CEP85L: variants seen among roughly 807,000 people sequenced by gnomAD.
CEP85L encodes centrosomal protein of 85 kDa-like.
A neutral mutation model predicts 100.3 loss-of-function variants in CEP85L; 60 were observed. The observed-to-expected ratio is 0.60, with a 90% CI of 0.49 to 0.74. The LOEUF (loss-of-function observed/expected upper bound fraction) is 0.74, where lower values mean the gene tolerates loss of function less well. Ranked by LOEUF, CEP85L falls within the 30% of genes least tolerant of loss-of-function variation. The probability of loss-of-function intolerance (pLI) is 0.00; values close to 1 mark genes in which losing one functional copy is unlikely to be tolerated. For synonymous variants in CEP85L, 319 were observed against 322.7 expected, an observed-to-expected ratio of 0.99 and a Z score of 0.12; for missense variants, 973 against 936.2, an observed-to-expected ratio of 1.04 and a Z score of -0.51.
At chr6:118,545,002 A>T (rs1446253952) in intron 3 of CEP85L, among the ~76,000 whole-genome samples, 1 of 148,446 alleles carries the variant, frequency 6.7e-6, no homozygotes, top group East Asian at 1.9e-4. Context: ...CCCTCAAGAG[A>T]TAGGTAAAAT....
chr6:118,503,797 G>A (rs1182549696), intron 5 of CEP85L, among the ~76,000 whole-genome samples: 1 of 117,018 alleles, frequency 8.5e-6, no homozygotes, highest in African/African-American at 3.3e-5. Context: ...ATTCAAAATG[G>A]ATCACAGACC....
In CEP85L at chr6:118,463,458, C is replaced by T. The variant is rs1263502585; in HGVS notation, c.*1947G>A. ...GTAAAAATATTTGCTGCACTTGTGG[C>T]TGATCTATTTTAGACGTTATTATCT... On this transcript the variant is annotated 3_prime_UTR_variant, in exon 13 of 13. Coordinates refer to ENST00000368491, the MANE Select transcript of CEP85L (RefSeq NM_001042475.3). The T allele has an allele frequency of 6.6e-6, 1 of 151,972 alleles. No individual in the cohort carries two copies. Among genetic ancestry groups the T allele is most frequent in the Non-Finnish European group, 1.5e-5 (1 of 67,920 alleles). 9.4% of individuals were successfully genotyped at this position (151,972 alleles called of 1,614,324 possible). A position where few individuals can be genotyped will look rare whatever the true frequency, so the allele number is the denominator to read the frequency against.
chr6:118,681,945 T>C (rs757710870), intron 1 of CEP85L, among the ~76,000 whole-genome samples: 1 of 152,010 alleles, frequency 6.6e-6, no homozygotes, highest in Non-Finnish European at 1.5e-5. Context: ...TTCGCCATGT[T>C]GCCAGGCTGG....
Position 118,485,551 on chromosome 6 carries a change from G to C in CEP85L, c.1438-1693C>G, listed in dbSNP as rs563904141. Among the ~76,000 whole-genome samples, 28 of 152,288 alleles carry C rather than the reference G, an allele frequency of 1.8e-4. No homozygotes were observed. The East Asian group carries it at 5.0e-3, about 27-fold the overall frequency. ...GGATTAAAGGTAAATGTGCTGGTGTGACAGTTTACCCTGTGATCTATCAGA... is the reference window on the plus strand; with the variant it reads ...GGATTAAAGGTAAATGTGCTGGTGTCACAGTTTACCCTGTGATCTATCAGA... On this transcript the variant is annotated intron_variant, in intron 6 of 12. Coordinates refer to ENST00000368491, the MANE Select transcript of CEP85L (RefSeq NM_001042475.3).
At chr6:118,544,599 T>C (rs1196964455) in intron 3 of CEP85L, among the ~76,000 whole-genome samples, 1 of 152,210 alleles carries the variant, frequency 6.6e-6, no homozygotes, top group African/African-American at 2.4e-5. Context: ...GTCCTTTTCT[T>C]AATCCATCTG....
At chr6:118,657,604 A>G (rs534160827) in intron 1 of CEP85L, among the ~76,000 whole-genome samples, 2 of 152,194 alleles carry the variant, frequency 1.3e-5, no homozygotes, top group Non-Finnish European at 2.9e-5. Flanking sequence ...CGACAGAGTG[A>G]GACTGTCTCC....
chr6:118,587,308 T>C (rs1403508185), intron 2 of CEP85L, among the ~76,000 whole-genome samples: 3 of 152,138 alleles, frequency 2.0e-5, no homozygotes, highest in Non-Finnish European at 4.4e-5. Flanking sequence ...AAGAACTTTC[T>C]CCCAAAGATA....
intron 2 of CEP85L, among the ~76,000 whole-genome samples, chr6:118,598,625 C>T (rs1439372432): frequency 6.6e-6 from 1 of 152,204 alleles, no homozygotes; most frequent in East Asian, 1.9e-4. Flanking sequence ...AGTAAGCACC[C>T]GAAGCTAGAA....
rs1772268565 is a variant in CEP85L at position 118,462,214 on chromosome 6, T to C, written c.*3191A>G. 1 of 152,052 alleles carries C rather than the reference T, an allele frequency of 6.6e-6. No individual in the cohort carries two copies. Among genetic ancestry groups the C allele is most frequent in the African/African-American group, 2.4e-5 (1 of 41,450 alleles). The allele number at this position is 152,052 out of a possible 1,614,324, so 9.4% of individuals were successfully genotyped here. Reference sequence around the variant, plus strand: ...CACCAAAATAAATTTCACTAAAATATAATACTGTTAGCATTAAATATTGAA... The same window carrying C: ...CACCAAAATAAATTTCACTAAAATACAATACTGTTAGCATTAAATATTGAA... On this transcript the variant is annotated 3_prime_UTR_variant, in exon 13 of 13. Coordinates refer to ENST00000368491, the MANE Select transcript of CEP85L (RefSeq NM_001042475.3).
In CEP85L at chr6:118,537,619, G is replaced by A. The variant is rs527832177; in HGVS notation, c.1021-13699C>T. On this transcript the variant is annotated intron_variant, in intron 3 of 12. Transcript: ENST00000368491. The stretch of plus-strand genomic sequence containing the variant: ...ACACATGCTACTTAGATGAGATCCG[G>A]ATACTATGAAAAGTTGCCAAAATAT... 66 of 985,304 alleles carry A rather than the reference G, an allele frequency of 6.7e-5. 1 individual carries two copies. In the South Asian group the frequency reaches 2.7e-3, roughly 41 times the overall value. The allele number at this position is 985,304 out of a possible 1,614,324, so 61.0% of individuals were successfully genotyped here.
intron 10 of CEP85L, among the ~76,000 whole-genome samples, chr6:118,477,412 T>A (rs1432216120): frequency 6.6e-6 from 1 of 152,200 alleles, no homozygotes; most frequent in African/African-American, 2.4e-5. Context: ...GCCAGTGACC[T>A]ATAACAGATA....
chr6:118,570,611 C>T (rs1779833368), intron 2 of CEP85L, among the ~76,000 whole-genome samples: 1 of 152,136 alleles, frequency 6.6e-6, no homozygotes, highest in African/African-American at 2.4e-5. Flanking sequence ...TACAAATTCT[C>T]AAATCTTGGC....
intron 2 of CEP85L, among the ~76,000 whole-genome samples, chr6:118,628,470 A>T (rs1039360114): frequency 6.6e-6 from 1 of 152,128 alleles, no homozygotes; most frequent in African/African-American, 2.4e-5. Flanking sequence ...GAGCTTGAAG[A>T]TATGTCAACA....
chr6:118,556,699 G>C (rs978786763), intron 3 of CEP85L, among the ~76,000 whole-genome samples: 2 of 152,058 alleles, frequency 1.3e-5, no homozygotes, highest in Non-Finnish European at 2.9e-5. Flanking sequence ...GTAATATGTT[G>C]ATTAACAATA....
chr6:118,614,956 C>T (rs1254880983), intron 2 of CEP85L, among the ~76,000 whole-genome samples: 1 of 152,096 alleles, frequency 6.6e-6, no homozygotes, highest in African/African-American at 2.4e-5. Context: ...TATTTCTAAA[C>T]TTATTTCTGT....
In CEP85L at chr6:118,537,965, C is replaced by A. The variant is rs886222125; in HGVS notation, c.1021-14045G>T. On this transcript the variant is annotated intron_variant, in intron 3 of 12. Coordinates refer to ENST00000368491, the MANE Select transcript of CEP85L (RefSeq NM_001042475.3). ...ACCTTAACTAAAAAGTAAATAAATTCACAAAGCTCAGTAATGAAGATGAAA... is the reference window on the plus strand; with the variant it reads ...ACCTTAACTAAAAAGTAAATAAATTAACAAAGCTCAGTAATGAAGATGAAA... 6.8e-6 allele frequency: 6 copies of A among 880,196 alleles called. No individual in the cohort carries two copies. The African/African-American group carries it at 1.1e-4, about 16-fold the overall frequency. The allele number at this position is 880,196 out of a possible 1,614,324, so 54.5% of individuals were successfully genotyped here. A position where few individuals can be genotyped will look rare whatever the true frequency, so the allele number is the denominator to read the frequency against.
At chr6:118,562,507 G>A (rs779189089) in intron 3 of CEP85L, among the ~76,000 whole-genome samples, 1 of 152,022 alleles carries the variant, frequency 6.6e-6, no homozygotes, top group Non-Finnish European at 1.5e-5. Flanking sequence ...GGCACTACAG[G>A]GGCACATCAC....
At chr6:118,518,099 A>G (rs1399317266) in intron 4 of CEP85L, among the ~76,000 whole-genome samples, 1 of 152,122 alleles carries the variant, frequency 6.6e-6, no homozygotes, top group East Asian at 1.9e-4. Flanking sequence ...TGTGGTAGGT[A>G]AGCTTTTTGA....
chr6:118,612,784 A>T (rs2115237390), intron 2 of CEP85L, among the ~76,000 whole-genome samples: 1 of 152,160 alleles, frequency 6.6e-6, no homozygotes, highest in African/African-American at 2.4e-5. Context: ...GAAGCAACAA[A>T]GAGCAGAAAT....
Sources: gnomAD v4.1 joint callset for allele counts (sites outside exome capture counted in the v4.1 genomes callset) on GRCh38, gnomAD v4.1.1 for gene constraint, MANE v1.5 for transcripts, NCBI Gene and HGNC (gene_info 2026-07-23, HGNC 2026-07-21) for gene names.